The following COMMD1 variants were observed in gnomAD, a reference collection of about 807,000 sequenced individuals.
The protein encoded by COMMD1 is copper metabolism domain containing 1.
A neutral mutation model predicts 17.2 loss-of-function variants in COMMD1; 10 were observed. That is an observed-to-expected ratio of 0.58 (90% CI 0.36 to 0.99). COMMD1 has a LOEUF of 0.99. Among genes scored for constraint, COMMD1 ranks in the 50% least tolerant of loss-of-function variants. COMMD1 has a pLI of 0.01. For missense variants in COMMD1, 270 were observed against 231.8 expected, an observed-to-expected ratio of 1.17 and a Z score of -1.07; for synonymous variants, 97 against 91.6, an observed-to-expected ratio of 1.06 and a Z score of -0.34.
intron 1 of COMMD1, among the ~76,000 whole-genome samples, chr2:61,911,092 A>AG (rs1323814602): frequency 6.6e-6 from 1 of 151,506 alleles, no homozygotes; most frequent in African/African-American, 2.4e-5. Context: ...TAAAAAAAAA[A>AG]AAAATTTTTT....
At chr2:62,068,083 T>G (rs1671103080) in intron 2 of COMMD1, among the ~76,000 whole-genome samples, 1 of 152,186 alleles carries the variant, frequency 6.6e-6, no homozygotes, top group Non-Finnish European at 1.5e-5. Context: ...CCCAGTTAAC[T>G]GAGAAAGGAT....
chr2:61,903,813 G>T (rs943758117), upstream of COMMD1, among the ~76,000 whole-genome samples: 5 of 151,802 alleles, frequency 3.3e-5, no homozygotes, highest in South Asian at 4.2e-4. Context: ...AAGTGCTGGG[G>T]TTACAGGCGT....
chr2:61,978,796 G>T (rs1671872276), intron 1 of COMMD1, among the ~76,000 whole-genome samples: 1 of 152,160 alleles, frequency 6.6e-6, no homozygotes, highest in Non-Finnish European at 1.5e-5. Flanking sequence ...CAAAGGGGAA[G>T]TTGTCAGTTT....
intron 2 of COMMD1, among the ~76,000 whole-genome samples, chr2:62,076,254 C>CA (rs1322972428): frequency 6.6e-6 from 1 of 152,148 alleles, no homozygotes; most frequent in East Asian, 1.9e-4. Flanking sequence ...CTGTGATGTA[C>CA]ATAATGTTGT....
intron 1 of COMMD1, among the ~76,000 whole-genome samples, chr2:61,994,510 T>C (rs1226921059): frequency 6.6e-6 from 1 of 152,120 alleles, no homozygotes; most frequent in Non-Finnish European, 1.5e-5. Flanking sequence ...TACTTGGTGT[T>C]GTTACCTTTA....
rs559426599 is a variant in COMMD1 at position 62,063,235 on chromosome 2, A to T, written c.462+62253A>T. Among the ~76,000 whole-genome samples the T allele has an allele frequency of 7.2e-5, 11 of 152,218 alleles. No individual in the cohort carries two copies. In the South Asian group the frequency reaches 2.1e-3, roughly 29 times the overall value. On this transcript the variant is annotated intron_variant, in intron 2 of 2. Coordinates refer to ENST00000311832, the MANE Select transcript of COMMD1 (RefSeq NM_152516.4). ...CGTCTCAAAAATAAAAATAAAATAA[A>T]ATAAAAGAAAATATTAGCAGGTTGT... is the stretch of plus-strand genomic sequence containing the variant.
chr2:62,013,181 G>T (rs545896593), intron 2 of COMMD1, among the ~76,000 whole-genome samples: 1 of 151,956 alleles, frequency 6.6e-6, no homozygotes, highest in East Asian at 1.9e-4. Context: ...GGTTGGAATT[G>T]CTTTTCTGCA....
chr2:62,065,733 G>A (rs1022042614), intron 2 of COMMD1, among the ~76,000 whole-genome samples: 4 of 152,058 alleles, frequency 2.6e-5, no homozygotes, highest in Admixed American at 6.5e-5. Flanking sequence ...TATTATAATC[G>A]TTCATTTGTT....
chr2:62,099,579 T>A (rs1235453898), intron 2 of COMMD1, among the ~76,000 whole-genome samples: 1 of 152,028 alleles, frequency 6.6e-6, no homozygotes, highest in African/African-American at 2.4e-5. Context: ...CTCTCTTTTT[T>A]TTTTTTTTAA....
chr2:61,937,405 A>G (rs1000945845), intron 1 of COMMD1, among the ~76,000 whole-genome samples: 1 of 152,174 alleles, frequency 6.6e-6, no homozygotes, highest in Non-Finnish European at 1.5e-5. Flanking sequence ...ATTTTGTCCC[A>G]TAGTATTGTT....
chr2:62,066,029 T>C (rs1671027929), intron 2 of COMMD1, among the ~76,000 whole-genome samples: 3 of 152,242 alleles, frequency 2.0e-5, no homozygotes, highest in East Asian at 3.9e-4. Context: ...CCTAGAGGTA[T>C]ATTAGAATTT....
intron 1 of COMMD1, among the ~76,000 whole-genome samples, chr2:61,959,805 C>G (rs1178448298): frequency 6.6e-6 from 1 of 152,202 alleles, no homozygotes; most frequent in Admixed American, 6.5e-5. Context: ...GGGTGCTACT[C>G]AAAGCTGTCC....
chr2:61,948,848 A>G (rs1350540758), intron 1 of COMMD1, among the ~76,000 whole-genome samples: 1 of 152,206 alleles, frequency 6.6e-6, no homozygotes, highest in East Asian at 1.9e-4. Context: ...AGTCCCCTTC[A>G]AGATCTCCCT....
chr2:62,029,479 C>T (rs1246372788), intron 2 of COMMD1, among the ~76,000 whole-genome samples: 1 of 152,028 alleles, frequency 6.6e-6, no homozygotes, highest in Non-Finnish European at 1.5e-5. Flanking sequence ...TCCTATTACC[C>T]AGCTTCAATG....
intron 2 of COMMD1, chr2:62,055,289 A>G (rs1670661017): frequency 2.6e-6 from 1 of 379,162 alleles, no homozygotes; most frequent in Non-Finnish European, 5.2e-6. Context: ...GTTAGCCCAC[A>G]AGCTAACCCT....
At chr2:61,992,232 A>C (rs1672270287) in intron 1 of COMMD1, among the ~76,000 whole-genome samples, 1 of 152,198 alleles carries the variant, frequency 6.6e-6, no homozygotes, top group Non-Finnish European at 1.5e-5. Flanking sequence ...AGATTTTTCA[A>C]AATACTTAAC....
intron 2 of COMMD1, among the ~76,000 whole-genome samples, chr2:62,047,657 G>T (rs1437336180): frequency 6.6e-6 from 1 of 152,022 alleles, no homozygotes; most frequent in East Asian, 1.9e-4. Flanking sequence ...GTTTCACTGT[G>T]TTGGCCAGGC....
intron 1 of COMMD1, among the ~76,000 whole-genome samples, chr2:61,978,496 T>C (rs1671865737): frequency 6.6e-6 from 1 of 152,200 alleles, no homozygotes; most frequent in Non-Finnish European, 1.5e-5. Flanking sequence ...TACTAAAAAA[T>C]GGTATCATTA....
intron 1 of COMMD1, among the ~76,000 whole-genome samples, chr2:61,981,138 A>G (rs1290866730): frequency 2.0e-5 from 3 of 152,144 alleles, no homozygotes; most frequent in Admixed American, 6.6e-5. Flanking sequence ...TTTGCTGTGC[A>G]GAAGCCTTTT....
Sources: allele counts gnomAD v4.1 joint callset (sites outside exome capture counted in the v4.1 genomes callset), GRCh38; gene constraint gnomAD v4.1.1; transcripts MANE v1.5; gene names NCBI Gene and HGNC (gene_info 2026-07-23, HGNC 2026-07-21).